The following MLLT10 variants were observed in gnomAD, a reference collection of about 807,000 sequenced individuals.
The protein encoded by MLLT10 is MLLT10 histone lysine methyltransferase DOT1L cofactor.
MLLT10 carries 30 observed loss-of-function variants against 129.1 expected under a neutral mutation model. That is an observed-to-expected ratio of 0.23 (90% CI 0.17 to 0.32). MLLT10 has a LOEUF of 0.32. Ranked by LOEUF, MLLT10 falls within the 10% of genes least tolerant of loss-of-function variation. MLLT10 has a pLI of 1.00. For missense variants in MLLT10, 1,119 were observed against 1,268.3 expected (o/e 0.88, Z 1.79); for synonymous variants, 490 against 446.4 (o/e 1.10, Z -1.23).
chr10:21,589,906 T>G (rs1184442445), intron 4 of MLLT10, among the ~76,000 whole-genome samples: 2 of 92,900 alleles, frequency 2.2e-5, no homozygotes, highest in African/African-American at 5.6e-5. Context: ...TCCCTTTCCC[T>G]TCCCCTTCCC....
chr10:21,718,053 C>G (rs1156651008), intron 14 of MLLT10, among the ~76,000 whole-genome samples: 1 of 152,066 alleles, frequency 6.6e-6, no homozygotes. Flanking sequence ...CCATGTTGGT[C>G]AGGCTGGTCT....
At chr10:21,617,305 A>T in intron 8 of MLLT10, 98 bp downstream of exon 8, 1 of 461,372 alleles carries the variant, frequency 2.2e-6, no homozygotes, top group Non-Finnish European at 3.7e-6. Flanking sequence ...AGTTAAATGG[A>T]GACATTGAAA....
intron 3 of MLLT10, among the ~76,000 whole-genome samples, chr10:21,550,441 A>C (rs758634281): frequency 2.0e-5 from 3 of 152,130 alleles, no homozygotes; most frequent in Admixed American, 1.3e-4. Context: ...TCTTTAGTCT[A>C]TGTTGCTGTC....
intron 14 of MLLT10, among the ~76,000 whole-genome samples, chr10:21,721,171 T>A (rs1157231878): frequency 6.6e-6 from 1 of 152,198 alleles, no homozygotes; most frequent in Non-Finnish European, 1.5e-5. Context: ...ATCACTTGAC[T>A]TTAATGTTTA....
chr10:21,612,537 C>A, intron 6 of MLLT10, 86 bp downstream of exon 6: 2 of 697,374 alleles, frequency 2.9e-6, no homozygotes, highest in Non-Finnish European at 4.6e-6. Flanking sequence ...GATACTCAAA[C>A]ATTAATTATG....
At chr10:21,543,812 G>A (rs2035630868) in intron 3 of MLLT10, among the ~76,000 whole-genome samples, 1 of 152,138 alleles carries the variant, frequency 6.6e-6, no homozygotes, top group African/African-American at 2.4e-5. Context: ...AGGGTCCTTT[G>A]TAAGAAACAG....
intron 14 of MLLT10, among the ~76,000 whole-genome samples, chr10:21,722,895 C>T (rs1228522159): frequency 6.6e-6 from 1 of 152,048 alleles, no homozygotes; most frequent in Non-Finnish European, 1.5e-5. Flanking sequence ...TTTCAGTTTC[C>T]CAGCAGAAAT....
intron 13 of MLLT10, among the ~76,000 whole-genome samples, chr10:21,698,705 T>C (rs2054602836): frequency 6.6e-6 from 1 of 152,160 alleles, no homozygotes; most frequent in Admixed American, 6.6e-5. Context: ...TGTATAAGAG[T>C]TTATTTTTCT....
chr10:21,726,361 T>G lies in MLLT10; in HGVS notation c.1990+6T>G. ...GTCTGAAAACAATCAAACAGGTAAG[T>G]TTTCAAGAATTACTAACTCTAAAAC... On this transcript the variant is annotated splice_donor_region_variant and intron_variant, in intron 15 of 22. Coordinates refer to ENST00000307729, the MANE Select transcript of MLLT10 (RefSeq NM_001195626.3). 1.3e-6 allele frequency: 2 copies of G among 1,580,230 alleles called. No individual in the cohort carries two copies. Among genetic ancestry groups the G allele is most frequent in the Non-Finnish European group, 8.7e-7 (1 of 1,151,306 alleles).
chr10:21,692,718 C>T (rs2053992804), intron 13 of MLLT10, among the ~76,000 whole-genome samples: 1 of 151,786 alleles, frequency 6.6e-6, no homozygotes, highest in African/African-American at 2.4e-5. Context: ...AGCTACTGAG[C>T]TCAAGTGATC....
intron 16 of MLLT10, among the ~76,000 whole-genome samples, chr10:21,730,309 GAAAAAAAA>G (rs10568793): frequency 1.0e-3 from 124 of 122,858 alleles, no homozygotes; most frequent in African/African-American, 3.4e-3. Context: ...CTCCAAAAAT[GAAAAAAAA>G]AAAAAAAAAA....
At chr10:21,646,138 G>A (rs1375187748) in intron 8 of MLLT10, among the ~76,000 whole-genome samples, 2 of 152,122 alleles carry the variant, frequency 1.3e-5, no homozygotes, top group Admixed American at 6.6e-5. Context: ...CCTGGGAGGC[G>A]GAGGTTGCAG....
rs202036234 is a variant in MLLT10, at chr10:21,673,528, G to A, written c.1230G>A (p.Gly410=). Residue 410 remains glycine (G), a synonymous_variant, in exon 11 of 23, where the codon GGG becomes GGA. Transcript: ENST00000307729. ...GAGAGTCTGGAAGCCAGGAAGGGGG[G>A]GTAAATAGTTTTAGTACCTTAATTG... ...HKGESGSQEG[G]VNSFSTLIGL... 1.2e-5 allele frequency: 19 copies of A among 1,613,402 alleles called. No homozygotes were observed. Among genetic ancestry groups the A allele is most frequent in the Admixed American group, 1.7e-5 (1 of 59,892 alleles).
intron 14 of MLLT10, among the ~76,000 whole-genome samples, chr10:21,724,491 C>T (rs931750515): frequency 1.3e-5 from 2 of 152,144 alleles, no homozygotes; most frequent in Non-Finnish European, 1.5e-5. Flanking sequence ...AGCTTCTTTA[C>T]GATAGAAGTG....
At chr10:21,557,496 G>C in intron 3 of MLLT10, 1 of 154,696 alleles carries the variant, frequency 6.5e-6, no homozygotes, top group Non-Finnish European at 1.4e-5. Flanking sequence ...CTGGTCTTTA[G>C]TTACATCAGC....
At chr10:21,675,078 G>A (rs994832309) in intron 11 of MLLT10, among the ~76,000 whole-genome samples, 2 of 152,138 alleles carry the variant, frequency 1.3e-5, no homozygotes, top group African/African-American at 2.4e-5. Context: ...TTATGTGCCA[G>A]TTCTGTTAAT....
intron 2 of MLLT10, among the ~76,000 whole-genome samples, chr10:21,535,259 C>T (rs1017395965): frequency 2.0e-5 from 3 of 152,194 alleles, no homozygotes; most frequent in Admixed American, 2.0e-4. Flanking sequence ...TGGAGACTTC[C>T]TGTGGCGTGG....
chr10:21,616,926 C>A lies in MLLT10; in HGVS notation c.604-186C>A, dbSNP rs537436359. On this transcript the variant is annotated intron_variant, in intron 7 of 22. Transcript: ENST00000307729. ...AATATGGCATTAATGTTTAGATTTT[C>A]TTTTATAATGCAATGGATGATATAT... Among the ~76,000 whole-genome samples the A allele has an allele frequency of 4.0e-5, 6 of 151,808 alleles. No individual in the cohort carries two copies. The South Asian group carries it at 1.3e-3, about 32-fold the overall frequency.
In MLLT10 at chr10:21,742,046, G is replaced by T; in HGVS notation, c.*63G>T. The T allele has an allele frequency of 6.0e-6, 9 of 1,503,670 alleles. No individual in the cohort carries two copies. The highest frequency in any genetic ancestry group is 8.3e-6 in the Non-Finnish European group (9 of 1,086,730). The allele number at this position is 1,503,670 out of a possible 1,614,324, so 93.1% of individuals were successfully genotyped here. On this transcript the variant is annotated 3_prime_UTR_variant, in exon 23 of 23. Coordinates refer to ENST00000307729, the MANE Select transcript of MLLT10 (RefSeq NM_001195626.3). The stretch of plus-strand genomic sequence containing the variant: ...TCTAGCACTTCATCTGGCTGCCTTT[G>T]CAGTCCTTTTACTACAGCTATGAAG...
Sources: allele counts gnomAD v4.1 joint callset (sites outside exome capture counted in the v4.1 genomes callset), GRCh38; gene constraint gnomAD v4.1.1; transcripts MANE v1.5; gene names NCBI Gene and HGNC (gene_info 2026-07-23, HGNC 2026-07-21).